The following NCKAP5 variants were observed in gnomAD, a reference collection of about 807,000 sequenced individuals.
NCKAP5 encodes nck-associated protein 5.
NCKAP5 carries 92 observed loss-of-function variants against 167.0 expected under a neutral mutation model. The observed-to-expected ratio is 0.55, with a 90% CI of 0.47 to 0.66. The LOEUF (loss-of-function observed/expected upper bound fraction) is 0.66, where lower values mean the gene tolerates loss of function less well. Ranked by LOEUF, NCKAP5 falls within the 30% of genes least tolerant of loss-of-function variation. The pLI is 0.00. For synonymous variants in NCKAP5, 891 were observed against 877.4 expected (o/e 1.02, Z -0.27); for missense variants, 2,378 against 2,315.0 (o/e 1.03, Z -0.56).
chr2:133,546,341 G>A (rs1345583319), intron 2 of NCKAP5, among the ~76,000 whole-genome samples: 1 of 152,136 alleles, frequency 6.6e-6, no homozygotes, highest in South Asian at 2.1e-4. Context: ...GGTAGAAAGG[G>A]CTTAAAAGGA....
chr2:133,458,182 T>C (rs1235263325), intron 3 of NCKAP5, among the ~76,000 whole-genome samples: 3 of 152,216 alleles, frequency 2.0e-5, no homozygotes, highest in Non-Finnish European at 4.4e-5. Flanking sequence ...GACTAGGTAC[T>C]GACAGGCTAC....
At chr2:133,122,320 G>C (rs1336602552) in intron 6 of NCKAP5, 1 of 152,108 alleles carries the variant, frequency 6.6e-6, no homozygotes, top group Admixed American at 6.5e-5. Flanking sequence ...TTTTCTTAAA[G>C]GAAAAAATGT....
intron 15 of NCKAP5, among the ~76,000 whole-genome samples, chr2:132,779,395 C>G (rs1682829288): frequency 6.6e-6 from 1 of 152,130 alleles, no homozygotes; most frequent in Non-Finnish European, 1.5e-5. Flanking sequence ...CTCTGCCAGG[C>G]TATCAAAGTT....
At chr2:132,911,684 C>G (rs1410440064) in intron 8 of NCKAP5, among the ~76,000 whole-genome samples, 2 of 152,196 alleles carry the variant, frequency 1.3e-5, no homozygotes, top group Non-Finnish European at 2.9e-5. Flanking sequence ...ATTTCCCACA[C>G]AGAAGGACAT....
intron 5 of NCKAP5, among the ~76,000 whole-genome samples, chr2:133,149,870 T>C (rs1274588080): frequency 3.3e-5 from 5 of 152,164 alleles, no homozygotes; most frequent in Admixed American, 3.3e-4. Context: ...ATAAATTAAC[T>C]GTTCTATGTT....
At position 133,259,112 on chromosome 2, in the gene NCKAP5, G is replaced by A. The variant is rs944918323; in HGVS notation, c.143+43925C>T. ...CCCTGCCTGAGCTCAAGCCCTCTGC[G>A]GGGTAGAGTGCTCTCCCTCCTCATG... On this transcript the variant is annotated intron_variant, in intron 4 of 19. Coordinates refer to ENST00000409261, the MANE Select transcript of NCKAP5 (RefSeq NM_207363.3). Among the ~76,000 whole-genome samples the A allele has an allele frequency of 3.9e-5, 6 of 152,072 alleles. No homozygotes were observed. In the South Asian group the frequency reaches 6.2e-4, roughly 16 times the overall value.
intron 3 of NCKAP5, among the ~76,000 whole-genome samples, chr2:133,334,941 T>C (rs960846437): frequency 6.6e-6 from 1 of 152,208 alleles, no homozygotes; most frequent in Non-Finnish European, 1.5e-5. Context: ...TCAAAAAGAA[T>C]AGAAAGCCAA....
At chr2:132,860,437 A>C in intron 11 of NCKAP5, 55 bp downstream of exon 11, 1 of 1,539,052 alleles carries the variant, frequency 6.5e-7, no homozygotes, top group Non-Finnish European at 8.8e-7. Context: ...AACTTAAGTA[A>C]CTTCCTGTCA....
intron 3 of NCKAP5, among the ~76,000 whole-genome samples, chr2:133,503,453 G>A (rs1031092808): frequency 1.3e-5 from 2 of 152,164 alleles, no homozygotes; most frequent in East Asian, 3.9e-4. Context: ...GTAGCACATG[G>A]CTAATTAGTA....
chr2:132,894,437 A>G (rs779499432), intron 8 of NCKAP5, among the ~76,000 whole-genome samples: 15 of 152,334 alleles, frequency 9.8e-5, no homozygotes, highest in Middle Eastern at 3.4e-3. Flanking sequence ...TTGCCATGTA[A>G]TGACTTTTTT....
chr2:133,507,559 C>T (rs1335269520), intron 3 of NCKAP5, among the ~76,000 whole-genome samples: 1 of 152,126 alleles, frequency 6.6e-6, no homozygotes, highest in Non-Finnish European at 1.5e-5. Context: ...TGTAAAGAAA[C>T]CAGGAGGAAC....
chr2:132,680,390 A>C (rs546200315), intron 19 of NCKAP5, among the ~76,000 whole-genome samples: 28 of 152,220 alleles, frequency 1.8e-4, no homozygotes, highest in African/African-American at 6.7e-4. Context: ...TTCAGCAGAG[A>C]TGTGCTTTTA....
At chr2:133,227,036 G>A (rs1022720341) in intron 4 of NCKAP5, among the ~76,000 whole-genome samples, 3 of 152,104 alleles carry the variant, frequency 2.0e-5, no homozygotes, top group Admixed American at 1.3e-4. Context: ...ATTTGATTCC[G>A]ACCAGGAGAA....
chr2:132,908,906 C>G (rs992794581), intron 8 of NCKAP5, among the ~76,000 whole-genome samples: 6 of 152,194 alleles, frequency 3.9e-5, no homozygotes, highest in African/African-American at 1.4e-4. Context: ...AATTACGAAT[C>G]TTTCCAACTG....
chr2:133,320,799 T>C (rs535658440), intron 3 of NCKAP5, among the ~76,000 whole-genome samples: 1 of 152,234 alleles, frequency 6.6e-6, no homozygotes, highest in South Asian at 2.1e-4. Context: ...CACTCCCATT[T>C]GGCCAGGAAT....
At chr2:132,695,693 AT>A (rs1399195141) in intron 19 of NCKAP5, among the ~76,000 whole-genome samples, 1 of 152,164 alleles carries the variant, frequency 6.6e-6, no homozygotes, top group Non-Finnish European at 1.5e-5. Context: ...ATAATGTAAA[AT>A]TGTGCCTGAA....
At chr2:132,986,044 G>T (rs2077277395) in intron 7 of NCKAP5, among the ~76,000 whole-genome samples, 2 of 151,868 alleles carry the variant, frequency 1.3e-5, no homozygotes, top group Non-Finnish European at 2.9e-5. Flanking sequence ...ATTTACAGTT[G>T]TTTACCACAT....
intron 4 of NCKAP5, among the ~76,000 whole-genome samples, chr2:133,296,090 A>G (rs1305472864): frequency 6.6e-6 from 1 of 152,222 alleles, no homozygotes; most frequent in Non-Finnish European, 1.5e-5. Flanking sequence ...ATGCAGCCAG[A>G]GGCCGCAAGA....
At chr2:133,583,741 C>CA in the NCKAP5 span, among the ~76,000 whole-genome samples, 1 of 151,974 alleles carries the variant, frequency 6.6e-6, no homozygotes, top group South Asian at 2.1e-4. Flanking sequence ...ATGAAAATGG[C>CA]ATGATATAAA....
Sources: allele counts gnomAD v4.1 joint callset (sites outside exome capture counted in the v4.1 genomes callset), GRCh38; gene constraint gnomAD v4.1.1; transcripts MANE v1.5; gene names NCBI Gene and HGNC (gene_info 2026-07-23, HGNC 2026-07-21).